MEIG1: variants seen among roughly 807,000 people sequenced by gnomAD.
MEIG1 encodes meiosis/spermiogenesis associated 1.
In MEIG1, 12 loss-of-function variants were observed where a neutral mutation model predicts 11.3. That is an observed-to-expected ratio of 1.07 (90% confidence interval 0.68 to 1.73). The LOEUF is 1.73. MEIG1 is among the 40% of genes most tolerant of loss of function. The pLI is 0.00. For synonymous variants in MEIG1, 41 were observed against 33.2 expected, an observed-to-expected ratio of 1.24 and a Z score of -0.81; for missense variants, 119 against 104.9, an observed-to-expected ratio of 1.13 and a Z score of -0.59.
At chr10:14,981,434 G>T (rs192197625) in intron 1 of MEIG1, among the ~76,000 whole-genome samples, 1,577 of 152,284 alleles carry the variant, frequency 0.01, 15 homozygotes, top group South Asian at 0.024. Context: ...TGAATGACTT[G>T]ATGTCCTCCT....
At chr10:14,972,442 T>C (rs189289847) in intron 2 of MEIG1, 71 bp from the exon 3 acceptor site, 1 of 1,592,036 alleles carries the variant, frequency 6.3e-7, no homozygotes, top group East Asian at 2.2e-5. Context: ...TTTTTAACTA[T>C]TTGATAGTAA....
chr10:14,983,204 G>T (rs1387155352), intron 1 of MEIG1, among the ~76,000 whole-genome samples: 2 of 152,150 alleles, frequency 1.3e-5, no homozygotes, highest in South Asian at 4.2e-4. Flanking sequence ...AGGGGGTGGC[G>T]TATGAAGTTA....
upstream of MEIG1, among the ~76,000 whole-genome samples, chr10:14,954,958 G>T (rs1842899609): frequency 2.0e-5 from 3 of 152,134 alleles, no homozygotes; most frequent in South Asian, 6.2e-4. Flanking sequence ...TTCAGTTGGG[G>T]TCTAGTTCTA....
At chr10:14,977,724 C>T (rs966122419), downstream of MEIG1, among the ~76,000 whole-genome samples, 2 of 151,932 alleles carry the variant, frequency 1.3e-5, no homozygotes, top group African/African-American at 4.8e-5. Context: ...CTTCTAGTAA[C>T]CCACAGAGGG....
Position 14,965,186 on chromosome 10 carries a change from A to C in MEIG1, c.-29-1254A>C, listed in dbSNP as rs577644375. On this transcript the variant is annotated intron_variant, in intron 1 of 2. Transcript: ENST00000407572. ...CATAAAATATTAATTTATTTACAGG[A>C]TCTGACTTTAATGTGTTTCAGCCAA... Among the ~76,000 whole-genome samples the C allele has an allele frequency of 7.2e-5, 11 of 152,340 alleles. No homozygotes were observed. The South Asian group carries it at 2.1e-3, about 29-fold the overall frequency.
At chr10:14,956,994 C>A (rs919915255), upstream of MEIG1, among the ~76,000 whole-genome samples, 8 of 152,116 alleles carry the variant, frequency 5.3e-5, no homozygotes, top group Non-Finnish European at 1.0e-4. Context: ...GCAGAGATTG[C>A]AGTGAGCCAA....
chr10:14,958,878 G>A (rs952540499), upstream of MEIG1, among the ~76,000 whole-genome samples: 6 of 151,656 alleles, frequency 4.0e-5, no homozygotes, highest in South Asian at 2.1e-4. Context: ...CCTGGGCGAC[G>A]GAGCGAGACT....
chr10:14,984,214 C>T (rs1208570273), intron 1 of MEIG1, among the ~76,000 whole-genome samples: 5 of 148,840 alleles, frequency 3.4e-5, no homozygotes, highest in Admixed American at 6.6e-5. Context: ...GTGGGGGGAG[C>T]CCACCCCCCT....
At position 14,987,263 on chromosome 10, in the gene MEIG1, G is replaced by A. The variant is rs543813412; in HGVS notation, n.285+249G>A. 23 of 861,978 alleles carry A rather than the reference G, an allele frequency of 2.7e-5. 1 individual carries two copies. The highest frequency in any genetic ancestry group is 2.6e-5 in the East Asian group (1 of 37,920). The allele number at this position is 861,978 out of a possible 1,614,324, so 53.4% of individuals were successfully genotyped here. ...GTTGGAGAGGAAGAAGTACATGGGG[G>A]TATGGAGGGGGGAGTCAGAGCTGAC... On this transcript the variant is annotated intron_variant and non_coding_transcript_variant, in intron 2 of 2. Transcript: ENST00000467536.
At chr10:14,955,421 C>T (rs1842919742), upstream of MEIG1, among the ~76,000 whole-genome samples, 1 of 152,134 alleles carries the variant, frequency 6.6e-6, no homozygotes, top group Admixed American at 6.5e-5. Context: ...GAATGCCATC[C>T]CAGCCCACCT....
intron 2 of MEIG1, among the ~76,000 whole-genome samples, chr10:14,968,545 G>T (rs1843114073): frequency 6.6e-6 from 1 of 151,880 alleles, no homozygotes; most frequent in Admixed American, 6.6e-5. Context: ...AAAAATAATG[G>T]AGGCAATACG....
downstream of MEIG1, among the ~76,000 whole-genome samples, chr10:14,975,486 G>A (rs1269792478): frequency 6.6e-6 from 1 of 152,042 alleles, no homozygotes; most frequent in African/African-American, 2.4e-5. Context: ...CAATATCACA[G>A]AAAGTGTACA....
chr10:14,986,312 C>T (rs1052224400), intron 1 of MEIG1, among the ~76,000 whole-genome samples: 6 of 151,968 alleles, frequency 3.9e-5, no homozygotes, highest in South Asian at 2.1e-4. Context: ...GCAACAAGAG[C>T]GAAACTCCAT....
chr10:14,966,531 A>T lies in MEIG1; in HGVS notation c.63A>T (p.Ile21=). 1 of 1,612,986 alleles carries T rather than the reference A, an allele frequency of 6.2e-7. No homozygotes were observed. Among genetic ancestry groups the T allele is most frequent in the East Asian group, 2.2e-5 (1 of 44,812 alleles). ...ATGCCAAAAAATGGTCAGAAGAGAT[A>T]GAAAATCTGTACAGATTTCAACAAG... The part of the protein sequence containing the change: ...VSHAKKWSEE[I]ENLYRFQQAG... Residue 21 remains isoleucine, a synonymous_variant, in exon 2 of 3, where the codon ATA becomes ATT. Coordinates refer to ENST00000407572, the MANE Select transcript of MEIG1 (RefSeq NM_001080836.3).
chr10:14,976,000 C>T (rs72772477), downstream of MEIG1, among the ~76,000 whole-genome samples: 115 of 152,282 alleles, frequency 7.6e-4, 1 homozygote, highest in Non-Finnish European at 1.4e-3. Context: ...ATATTACTGA[C>T]AATAACGTCA....
chr10:14,971,534 C>T (rs1411932116), intron 2 of MEIG1, among the ~76,000 whole-genome samples: 1 of 95,902 alleles, frequency 1.0e-5, no homozygotes, highest in Non-Finnish European at 2.3e-5. Flanking sequence ...CAGAGTGAGA[C>T]CCTGTTTCAA....
intron 1 of MEIG1, among the ~76,000 whole-genome samples, chr10:14,978,441 G>A (rs1422182749): frequency 6.6e-6 from 1 of 151,796 alleles, no homozygotes; most frequent in Non-Finnish European, 1.5e-5. Context: ...TTCCCCCCAT[G>A]ATATTATTCG....
upstream of MEIG1, among the ~76,000 whole-genome samples, chr10:14,957,337 C>T (rs368613994): frequency 2.8e-4 from 43 of 152,320 alleles, 1 homozygote; most frequent in East Asian, 6.6e-3. Context: ...AGACACTGTG[C>T]TCTCTGACAA....
exon 2 of MEIG1, chr10:14,986,820 A>C (rs1314182818): frequency 2.8e-6 from 1 of 363,042 alleles, no homozygotes; most frequent in Non-Finnish European, 5.3e-6. Context: ...CATGTTGGCC[A>C]AGCGGGTCTC....
Sources: gnomAD v4.1 joint callset for allele counts (sites outside exome capture counted in the v4.1 genomes callset) on GRCh38, gnomAD v4.1.1 for gene constraint, MANE v1.5 for transcripts, NCBI Gene and HGNC (gene_info 2026-07-23, HGNC 2026-07-21) for gene names.